Variants in DAZL observed in about 807,000 individuals in gnomAD.
DAZL encodes deleted in azoospermia-like.
A neutral mutation model predicts 45.0 loss-of-function variants in DAZL; 4 were observed. That is an observed-to-expected ratio of 0.09 (90% CI 0.04 to 0.20). The LOEUF (loss-of-function observed/expected upper bound fraction) is 0.20, where lower values mean the gene tolerates loss of function less well. DAZL is among the 10% of genes least tolerant of loss of function. DAZL has a pLI of 1.00. For synonymous variants in DAZL, 122 were observed against 112.4 expected (o/e 1.09, Z -0.54); for missense variants, 326 against 351.3 (o/e 0.93, Z 0.58).
chr3:16,599,429 G>A lies in DAZL; in HGVS notation c.4-831C>T, dbSNP rs1041042014. The stretch of plus-strand genomic sequence containing the variant: ...TGAATTTTTACAATTTTAACGCTGT[G>A]TTAGTATGCCTGCTTTACTTTGGAA... On this transcript the variant is annotated intron_variant, in intron 1 of 10. Coordinates refer to ENST00000399444, the MANE Select transcript of DAZL (RefSeq NM_001351.4). Among the ~76,000 whole-genome samples the A allele has an allele frequency of 3.3e-5, 5 of 152,086 alleles. No homozygotes were observed. The South Asian group carries it at 1.0e-3, about 32-fold the overall frequency.
chr3:16,604,853 C>T (rs1322722926), intron 1 of DAZL: 3 of 523,188 alleles, frequency 5.7e-6, no homozygotes, highest in South Asian at 2.2e-5. Context: ...GTGGGGCAGT[C>T]GGGGGTGGGG....
intron 1 of DAZL, among the ~76,000 whole-genome samples, chr3:16,598,802 T>TTTTA (rs149937594): frequency 6.8e-6 from 1 of 146,344 alleles, no homozygotes; most frequent in African/African-American, 2.6e-5. Context: ...TTTTTTTTTT[T>TTTTA]GAGAGAGTCT....
At chr3:16,590,231 C>T (rs939252783) in intron 10 of DAZL, among the ~76,000 whole-genome samples, 4 of 152,154 alleles carry the variant, frequency 2.6e-5, no homozygotes, top group African/African-American at 9.7e-5. Context: ...AATGAAGCAA[C>T]AAGAGAACAA....
At chr3:16,601,743 G>T (rs979571956) in intron 1 of DAZL, among the ~76,000 whole-genome samples, 1 of 149,112 alleles carries the variant, frequency 6.7e-6, no homozygotes, top group African/African-American at 2.5e-5. Context: ...TTTGAAATGA[G>T]AAATGTTGGA....
chr3:16,605,233 G>T lies in DAZL; in HGVS notation c.-28C>A. Reference sequence around the variant, plus strand: ...TGGCGGCAGGCAGCAGTTCCCGACCGGCTCCAGGAGGAGCAGAGGCTGTGC... The same window carrying T: ...TGGCGGCAGGCAGCAGTTCCCGACCTGCTCCAGGAGGAGCAGAGGCTGTGC... On this transcript the variant is annotated 5_prime_UTR_variant, in exon 1 of 11. Coordinates refer to ENST00000399444, the MANE Select transcript of DAZL (RefSeq NM_001351.4). The T allele has an allele frequency of 6.2e-7, 1 of 1,614,154 alleles. No homozygotes were observed. Among genetic ancestry groups the T allele is most frequent in the Non-Finnish European group, 8.5e-7 (1 of 1,179,962 alleles).
chr3:16,588,909 AC>A (rs559039023), intron 10 of DAZL, among the ~76,000 whole-genome samples, 196 bp from the exon 11 acceptor site: 61 of 152,242 alleles, frequency 4.0e-4, no homozygotes, highest in South Asian at 2.5e-3. Flanking sequence ...GTTTTATTAA[AC>A]AGTTTAGTTA....
chr3:16,603,414 T>C (rs1441176096), intron 1 of DAZL, among the ~76,000 whole-genome samples: 1 of 151,954 alleles, frequency 6.6e-6, no homozygotes, highest in East Asian at 1.9e-4. Flanking sequence ...AGTGGCATGA[T>C]CTCAGCTCAC....
At chr3:16,588,746 C>T in intron 10 of DAZL, 33 bp from the exon 11 acceptor site, 1 of 1,553,398 alleles carries the variant, frequency 6.4e-7, no homozygotes, top group Non-Finnish European at 8.9e-7. Flanking sequence ...TTTTACTTTA[C>T]TGAAAATTTC....
In DAZL at chr3:16,605,233, G is replaced by C. The variant is rs56079331; in HGVS notation, c.-28C>G. ...TGGCGGCAGGCAGCAGTTCCCGACCGGCTCCAGGAGGAGCAGAGGCTGTGC... is the reference window on the plus strand; with the variant it reads ...TGGCGGCAGGCAGCAGTTCCCGACCCGCTCCAGGAGGAGCAGAGGCTGTGC... On this transcript the variant is annotated 5_prime_UTR_variant, in exon 1 of 11. Transcript: ENST00000399444. The C allele has an allele frequency of 2.5e-6, 4 of 1,614,154 alleles. No individual in the cohort carries two copies. The South Asian group carries it at 4.4e-5, about 18-fold the overall frequency.
chr3:16,599,554 G>A (rs1330516456), intron 1 of DAZL, among the ~76,000 whole-genome samples: 4 of 152,084 alleles, frequency 2.6e-5, no homozygotes, highest in African/African-American at 9.7e-5. Flanking sequence ...ATCATTTTTT[G>A]AAATAACATT....
chr3:16,603,377 C>T (rs1416513106), intron 1 of DAZL, among the ~76,000 whole-genome samples: 12 of 151,802 alleles, frequency 7.9e-5, no homozygotes, highest in Admixed American at 7.9e-4. Context: ...ACTGAGCCTC[C>T]CCTCTTTGTT....
At chr3:16,598,342 AC>A (rs1452399210) in intron 2 of DAZL, 109 bp downstream of exon 2, 1 of 1,494,984 alleles carries the variant, frequency 6.7e-7, no homozygotes, top group African/African-American at 1.4e-5. Context: ...CAAATGTAAA[AC>A]CAATTCTAAA....
chr3:16,597,167 T>G, intron 4 of DAZL, 116 bp from the exon 5 acceptor site: 1 of 1,224,244 alleles, frequency 8.2e-7, no homozygotes, highest in Non-Finnish European at 1.2e-6. Context: ...CAGTGATAAC[T>G]ACACACCAAA....
chr3:16,598,933 G>A (rs1451764165), intron 1 of DAZL, among the ~76,000 whole-genome samples: 1 of 151,792 alleles, frequency 6.6e-6, no homozygotes, highest in Non-Finnish European at 1.5e-5. Flanking sequence ...ACATGCGCCC[G>A]ACACCACGCC....
At chr3:16,596,406 G>T (rs1426452881) in intron 6 of DAZL, among the ~76,000 whole-genome samples, 2 of 152,026 alleles carry the variant, frequency 1.3e-5, no homozygotes, top group African/African-American at 4.8e-5. Context: ...AGAATAGCTA[G>T]ATGATTTGCT....
At chr3:16,592,817 CA>C (rs1441191719) in intron 9 of DAZL, among the ~76,000 whole-genome samples, 3 of 152,130 alleles carry the variant, frequency 2.0e-5, no homozygotes, top group Admixed American at 1.3e-4. Context: ...AGTATCAAAT[CA>C]AGGAATTTAC....
chr3:16,598,460 C>G lies in DAZL; in HGVS notation c.142G>C (p.Asp48His), dbSNP rs549256502. The G allele has an allele frequency of 3.1e-6, 5 of 1,608,230 alleles. No individual in the cohort carries two copies. Among genetic ancestry groups the G allele is most frequent in the East Asian group, 2.2e-5 (1 of 44,640 alleles). Residue 48 changes from aspartate (D) to histidine (H), a missense_variant, in exon 2 of 11, where the codon GAT becomes CAT. Asp to His is a moderately conservative substitution (Grantham distance 81, BLOSUM62 -1). This residue lies in a region of DAZL where 81 missense variants were observed against 89.6 expected (regional missense o/e 0.90). Transcript: ENST00000399444. ...MPNTVFVGGI[D>H]VRMDETEIRS... is the part of the protein sequence containing the mutation. ...AGGTATGAATACAATACCCTAACATCAATTCCTCCAACAAAAACAGTGTTT... is the reference window on the plus strand; with the variant it reads ...AGGTATGAATACAATACCCTAACATGAATTCCTCCAACAAAAACAGTGTTT...
rs1039881185 is a variant in DAZL, at chr3:16,604,868, C to T, written c.3+335G>A. Reference sequence around the variant, plus strand: ...GTGGGGCAGTCGGGGGTGGGGAACCCGCACCCCAAACCTCTGCCAGTAGAG... The same window carrying T: ...GTGGGGCAGTCGGGGGTGGGGAACCTGCACCCCAAACCTCTGCCAGTAGAG... On this transcript the variant is annotated intron_variant, in intron 1 of 10. Transcript: ENST00000399444. The T allele has an allele frequency of 7.2e-4, 514 of 715,702 alleles. 1 individual carries two copies. The highest frequency in any genetic ancestry group is 1.0e-3 in the Non-Finnish European group (451 of 452,760). The allele number at this position is 715,702 out of a possible 1,614,324, so 44.3% of individuals were successfully genotyped here.
chr3:16,599,192 AAAC>A (rs151248271), intron 1 of DAZL, among the ~76,000 whole-genome samples: 19,069 of 151,910 alleles, frequency 0.13, 1,650 homozygotes, highest in East Asian at 0.45. Context: ...CTTAAAAAAA[AAAC>A]AAACCCAAAA....
Sources: gnomAD v4.1 joint callset for allele counts (sites outside exome capture counted in the v4.1 genomes callset) on GRCh38, gnomAD v4.1.1 for gene constraint, gnomAD v4.1.1 regional missense constraint, MANE v1.5 for transcripts, NCBI Gene and HGNC (gene_info 2026-07-23, HGNC 2026-07-21) for gene names.